PPM1E: variants seen among roughly 807,000 people sequenced by gnomAD.
PPM1E encodes protein phosphatase 1E.
Under a neutral mutation model 65.9 loss-of-function variants are expected in PPM1E, and 20 were observed. The observed-to-expected ratio is 0.30, with a 90% CI of 0.21 to 0.44. PPM1E has a LOEUF of 0.44. Among genes scored for constraint, PPM1E ranks in the 20% least tolerant of loss-of-function variants. The pLI is 1.00. For missense variants in PPM1E, 713 were observed against 953.1 expected, an observed-to-expected ratio of 0.75 and a Z score of 3.32; for synonymous variants, 352 against 374.9, an observed-to-expected ratio of 0.94 and a Z score of 0.70.
chr17:58,895,631 C>T (rs2051403360), intron 1 of PPM1E, among the ~76,000 whole-genome samples: 1 of 151,642 alleles, frequency 6.6e-6, no homozygotes, highest in Non-Finnish European at 1.5e-5. Flanking sequence ...ACAGTGAGAC[C>T]CCCATCTCTA....
At chr17:58,920,142 C>CT (rs2051734395) in intron 1 of PPM1E, among the ~76,000 whole-genome samples, 1 of 152,138 alleles carries the variant, frequency 6.6e-6, no homozygotes, top group African/African-American at 2.4e-5. Flanking sequence ...CAAAATGACT[C>CT]TAAGATTTTT....
intron 1 of PPM1E, among the ~76,000 whole-genome samples, chr17:58,931,772 G>A (rs1416329675): frequency 6.6e-6 from 1 of 152,066 alleles, no homozygotes. Flanking sequence ...TAGGTAAAAA[G>A]GCAACAGATG....
At chr17:58,941,659 C>G (rs1026627001) in intron 1 of PPM1E, among the ~76,000 whole-genome samples, 2 of 139,242 alleles carry the variant, frequency 1.4e-5, no homozygotes, top group Non-Finnish European at 3.0e-5. Context: ...TGTCACTGCA[C>G]TCCAGCCTGG....
chr17:58,873,336 C>A (rs1233565534), intron 1 of PPM1E, among the ~76,000 whole-genome samples: 1 of 151,996 alleles, frequency 6.6e-6, no homozygotes, highest in Non-Finnish European at 1.5e-5. Flanking sequence ...AAAGCAGAAT[C>A]TTTTCTTTGT....
intron 6 of PPM1E, among the ~76,000 whole-genome samples, chr17:58,973,624 A>T (rs905491146): frequency 2.6e-5 from 4 of 151,452 alleles, no homozygotes; most frequent in Non-Finnish European, 4.4e-5. Flanking sequence ...CCTGGGCAAC[A>T]TAGTAAGACT....
intron 1 of PPM1E, among the ~76,000 whole-genome samples, chr17:58,834,016 G>C (rs1309586984): frequency 6.6e-6 from 1 of 152,046 alleles, no homozygotes; most frequent in African/African-American, 2.4e-5. Flanking sequence ...ATTTTTTCGT[G>C]TTCATTGGCC....
intron 1 of PPM1E, among the ~76,000 whole-genome samples, chr17:58,844,465 A>G (rs963250623): frequency 1.3e-5 from 2 of 152,218 alleles, no homozygotes; most frequent in Non-Finnish European, 2.9e-5. Flanking sequence ...ATCTAGAATA[A>G]TATAATATAC....
At chr17:58,813,143 A>G (rs746733571) in intron 1 of PPM1E, among the ~76,000 whole-genome samples, 100 of 152,262 alleles carry the variant, frequency 6.6e-4, no homozygotes, top group Non-Finnish European at 9.0e-4. Flanking sequence ...TTTCTCCCCT[A>G]AAGAAAACCC....
intron 1 of PPM1E, among the ~76,000 whole-genome samples, chr17:58,771,120 G>C (rs983126243): frequency 6.6e-6 from 1 of 151,808 alleles, no homozygotes; most frequent in African/African-American, 2.4e-5. Flanking sequence ...CTCCCAAAGT[G>C]CTGGGATTAC....
chr17:58,844,954 G>A (rs533846869), intron 1 of PPM1E, among the ~76,000 whole-genome samples: 15 of 152,246 alleles, frequency 9.9e-5, no homozygotes, highest in African/African-American at 3.4e-4. Context: ...TTTTATTCAA[G>A]CATTATTGAG....
At chr17:58,808,932 C>T (rs998601551) in intron 1 of PPM1E, among the ~76,000 whole-genome samples, 2 of 152,088 alleles carry the variant, frequency 1.3e-5, no homozygotes, top group African/African-American at 4.8e-5. Flanking sequence ...AACAATGACT[C>T]TCAAACAACC....
At chr17:58,766,957 A>G (rs1567827362) in intron 1 of PPM1E, among the ~76,000 whole-genome samples, 1 of 152,190 alleles carries the variant, frequency 6.6e-6, no homozygotes, top group East Asian at 1.9e-4. Context: ...GGTCACATGG[A>G]AAGTTAACTA....
chr17:58,815,959 T>C (rs1427516972), intron 1 of PPM1E, among the ~76,000 whole-genome samples: 1 of 152,184 alleles, frequency 6.6e-6, no homozygotes, highest in African/African-American at 2.4e-5. Flanking sequence ...AAAATATTGA[T>C]AAAATAAAAA....
In PPM1E at chr17:58,980,344, C is replaced by A; in HGVS notation, c.1581C>A (p.Arg527=). The A allele has an allele frequency of 6.8e-6, 11 of 1,614,110 alleles. No individual in the cohort carries two copies. Among genetic ancestry groups the A allele is most frequent in the Non-Finnish European group, 9.3e-6 (11 of 1,180,016 alleles). Residue 527 remains arginine, a synonymous_variant, in exon 7 of 7, where the codon CGC becomes CGA. Coordinates refer to ENST00000308249, the MANE Select transcript of PPM1E (RefSeq NM_014906.5). The surrounding 1 kb of genome is among the most constrained non-coding windows in gnomAD (Gnocchi z 4.7). ...AGGAGAATCATGGAGAGTGCAAACG[C>A]CCTTGGCCTCAGCACCAGTGCTCAG... ...DDKENHGECK[R]PWPQHQCSAP...
chr17:58,943,412 C>T (rs148813866), intron 1 of PPM1E, among the ~76,000 whole-genome samples: 2,206 of 152,246 alleles, frequency 0.014, 22 homozygotes, highest in Non-Finnish European at 0.023. Flanking sequence ...TTTCTACCTA[C>T]GCATGTGCCA....
chr17:58,931,193 C>T (rs2051892912), intron 1 of PPM1E, among the ~76,000 whole-genome samples: 1 of 151,940 alleles, frequency 6.6e-6, no homozygotes, highest in African/African-American at 2.4e-5. Context: ...TCGAGACCAG[C>T]CTGACCAACA....
intron 1 of PPM1E, among the ~76,000 whole-genome samples, chr17:58,948,705 G>A (rs778287868): frequency 5.5e-4 from 83 of 152,264 alleles, no homozygotes; most frequent in Non-Finnish European, 9.0e-4. Flanking sequence ...GTTTTGGTAT[G>A]TTGTGTTTCT....
chr17:58,764,970 C>T (rs1441098930), intron 1 of PPM1E, among the ~76,000 whole-genome samples: 2 of 151,868 alleles, frequency 1.3e-5, no homozygotes, highest in African/African-American at 4.8e-5. Flanking sequence ...TTTTCCTTTT[C>T]TGCTCTCCCA....
At chr17:58,852,611 GTT>G (rs112904822) in intron 1 of PPM1E, among the ~76,000 whole-genome samples, 2 of 128,902 alleles carry the variant, frequency 1.6e-5, no homozygotes, top group Non-Finnish European at 1.7e-5. Flanking sequence ...GTTTTTTTTT[GTT>G]TTTTTTTTTG....
Sources: allele counts gnomAD v4.1 joint callset (sites outside exome capture counted in the v4.1 genomes callset), GRCh38; gene constraint gnomAD v4.1.1; non-coding constraint Gnocchi (gnomAD v3.1); transcripts MANE v1.5; gene names NCBI Gene and HGNC (gene_info 2026-07-23, HGNC 2026-07-21).